APP: variants seen among roughly 807,000 people sequenced by gnomAD.
The protein encoded by APP is amyloid beta precursor protein.
Under a neutral mutation model 101.4 loss-of-function variants are expected in APP, and 31 were observed. That is an observed-to-expected ratio of 0.31 (90% CI 0.23 to 0.41). The LOEUF (loss-of-function observed/expected upper bound fraction) is 0.41, where lower values mean the gene tolerates loss of function less well. APP is among the 10% of genes least tolerant of loss of function. The pLI is 1.00. For synonymous variants in APP, 366 were observed against 364.4 expected (o/e 1.00, Z -0.05); for missense variants, 839 against 1,003.7 (o/e 0.84, Z 2.22).
At chr21:26,170,260 G>A (rs1021831278) in intron 1 of APP, among the ~76,000 whole-genome samples, 1 of 152,086 alleles carries the variant, frequency 6.6e-6, no homozygotes, top group Non-Finnish European at 1.5e-5. Flanking sequence ...CCGCTTCCAA[G>A]GCAGGGACTA....
intron 5 of APP, among the ~76,000 whole-genome samples, chr21:26,040,494 C>T (rs763409599): frequency 5.3e-5 from 8 of 151,568 alleles, no homozygotes; most frequent in South Asian, 2.1e-4. Flanking sequence ...CCCAGCGACT[C>T]GGGAGGCTAA....
chr21:26,032,804 A>T (rs1315073914), intron 5 of APP, among the ~76,000 whole-genome samples: 19 of 128,714 alleles, frequency 1.5e-4, no homozygotes, highest in Admixed American at 4.2e-4. Flanking sequence ...GAAAAAAAAA[A>T]AATATATATA....
At chr21:26,103,126 T>G (rs981463716) in intron 2 of APP, among the ~76,000 whole-genome samples, 1 of 152,208 alleles carries the variant, frequency 6.6e-6, no homozygotes. Context: ...GGATTTTGCA[T>G]GCTTAATGTG....
intron 11 of APP, among the ~76,000 whole-genome samples, chr21:25,972,810 GT>G (rs941032197): frequency 7.0e-6 from 1 of 142,738 alleles, no homozygotes; most frequent in African/African-American, 2.6e-5. Context: ...TAAACATGTT[GT>G]TTTTTTTTTA....
At chr21:25,914,044 T>G (rs983902694) in intron 13 of APP, among the ~76,000 whole-genome samples, 1 of 152,148 alleles carries the variant, frequency 6.6e-6, no homozygotes. Context: ...GGTACACAAC[T>G]GTACTCAAGG....
chr21:26,120,759 A>G (rs545435020), intron 1 of APP, among the ~76,000 whole-genome samples: 3 of 152,366 alleles, frequency 2.0e-5, no homozygotes, highest in African/African-American at 7.2e-5. Flanking sequence ...TATTTCTAAA[A>G]GGAAATATTT....
intron 13 of APP, among the ~76,000 whole-genome samples, chr21:25,925,956 A>T (rs1462155801): frequency 6.6e-6 from 1 of 152,214 alleles, no homozygotes; most frequent in Non-Finnish European, 1.5e-5. Flanking sequence ...AACCAAAAAC[A>T]AACAACAAAC....
chr21:26,059,940 G>C (rs570400559), intron 3 of APP, among the ~76,000 whole-genome samples: 1 of 142,234 alleles, frequency 7.0e-6, no homozygotes, highest in African/African-American at 2.6e-5. Context: ...GTGAGACTGA[G>C]AGACTATGTA....
chr21:25,927,652 G>A (rs117259830), intron 13 of APP, among the ~76,000 whole-genome samples: 3 of 141,718 alleles, frequency 2.1e-5, no homozygotes, highest in Non-Finnish European at 4.6e-5. Flanking sequence ...ATGTTTAAAT[G>A]AAGCATGCTT....
chr21:26,133,390 T>C (rs1056421122), intron 1 of APP, among the ~76,000 whole-genome samples: 3 of 152,246 alleles, frequency 2.0e-5, no homozygotes, highest in African/African-American at 4.8e-5. Flanking sequence ...CAGACTAATT[T>C]TGAATGTCTG....
intron 9 of APP, among the ~76,000 whole-genome samples, chr21:25,976,342 G>A (rs2042222884): frequency 6.6e-6 from 1 of 151,880 alleles, no homozygotes; most frequent in Admixed American, 6.6e-5. Context: ...ACTATTCATG[G>A]AAGGCACACA....
At chr21:26,013,959 C>T (rs1171972275) in intron 6 of APP, among the ~76,000 whole-genome samples, 1 of 152,166 alleles carries the variant, frequency 6.6e-6, no homozygotes, top group Non-Finnish European at 1.5e-5. Flanking sequence ...TGTTACCTGT[C>T]ACATCTATGG....
At chr21:25,892,370 A>G (rs983939284) in intron 16 of APP, among the ~76,000 whole-genome samples, 2 of 152,226 alleles carry the variant, frequency 1.3e-5, no homozygotes, top group African/African-American at 4.8e-5. Flanking sequence ...TCAACTCTGC[A>G]GATGTCCTAA....
In APP at chr21:26,155,465, A is replaced by G. The variant is rs1231470614; in HGVS notation, c.57+15099T>C. 2.0e-5 allele frequency among the ~76,000 whole-genome samples: 3 copies of G among 152,210 alleles called. No individual in the cohort carries two copies. In the East Asian group the frequency reaches 5.8e-4, roughly 29 times the overall value. ...TGGCTACTTGAAAACTTTAAATTAG[A>G]TCTAACGGTCCTATTATACCTCTAC... On this transcript the variant is annotated intron_variant, in intron 1 of 17. Transcript: ENST00000346798.
At chr21:26,074,929 G>A (rs928730105) in intron 3 of APP, among the ~76,000 whole-genome samples, 7 of 152,120 alleles carry the variant, frequency 4.6e-5, no homozygotes, top group Admixed American at 1.3e-4. Context: ...TTTTTATTAA[G>A]ATCCAAAGAC....
intron 6 of APP, among the ~76,000 whole-genome samples, chr21:26,017,939 GCTCA>G (rs796767288): frequency 5.9e-5 from 9 of 152,108 alleles, no homozygotes; most frequent in African/African-American, 2.2e-4. Flanking sequence ...GCAATCGTGT[GCTCA>G]CTTTTATTTT....
At chr21:26,163,335 G>C (rs1186290312) in intron 1 of APP, among the ~76,000 whole-genome samples, 1 of 149,946 alleles carries the variant, frequency 6.7e-6, no homozygotes, top group Non-Finnish European at 1.5e-5. Flanking sequence ...AAAACCTTCT[G>C]ACTTTGTGAA....
chr21:25,915,260 C>T (rs938629428), intron 13 of APP, among the ~76,000 whole-genome samples: 3 of 152,212 alleles, frequency 2.0e-5, no homozygotes, highest in Non-Finnish European at 4.4e-5. Context: ...ATCTTGGAAG[C>T]CCATCTCTGC....
intron 8 of APP, among the ~76,000 whole-genome samples, chr21:25,989,157 G>A (rs1252945130): frequency 6.6e-6 from 1 of 152,174 alleles, no homozygotes; most frequent in South Asian, 2.1e-4. Flanking sequence ...AGCATTTGAA[G>A]GGAAGTTACT....
Sources: allele counts gnomAD v4.1 joint callset (sites outside exome capture counted in the v4.1 genomes callset), GRCh38; gene constraint gnomAD v4.1.1; transcripts MANE v1.5; gene names NCBI Gene and HGNC (gene_info 2026-07-23, HGNC 2026-07-21).